The following FRMD4B variants were observed in gnomAD, a reference collection of about 807,000 sequenced individuals.
The protein encoded by FRMD4B is FERM domain containing 4B.
In FRMD4B, 74 loss-of-function variants were observed where a neutral mutation model predicts 141.5. That is an observed-to-expected ratio of 0.52 (90% CI 0.43 to 0.63). The LOEUF (loss-of-function observed/expected upper bound fraction) is 0.63, where lower values mean the gene tolerates loss of function less well. Ranked by LOEUF, FRMD4B falls within the 30% of genes least tolerant of loss-of-function variation. FRMD4B has a pLI of 0.00. For missense variants in FRMD4B, 1,366 were observed against 1,253.4 expected (o/e 1.09, Z -1.36); for synonymous variants, 506 against 467.9 (o/e 1.08, Z -1.05).
intron 1 of FRMD4B, among the ~76,000 whole-genome samples, chr3:69,539,653 C>T (rs1701136034): frequency 6.6e-6 from 1 of 152,108 alleles, no homozygotes; most frequent in Non-Finnish European, 1.5e-5. Flanking sequence ...GTTCCAGCAC[C>T]ATATTGTTTA....
In FRMD4B at chr3:69,223,423, G is replaced by A. The variant is rs796103843; in HGVS notation, c.665+1184C>T. 6.6e-5 allele frequency among the ~76,000 whole-genome samples: 10 copies of A among 152,242 alleles called. 1 individual carries two copies. Among genetic ancestry groups the A allele is most frequent in the African/African-American group, 2.4e-4 (10 of 41,540 alleles). Reference sequence around the variant, plus strand: ...CCAGCTATTTGGGATACTGAAGCAGGAGAATTGCTTGAACCTAGGAAGCAG... The same window carrying A: ...CCAGCTATTTGGGATACTGAAGCAGAAGAATTGCTTGAACCTAGGAAGCAG... On this transcript the variant is annotated intron_variant, in intron 8 of 22. Coordinates refer to ENST00000398540, the MANE Select transcript of FRMD4B (RefSeq NM_015123.3).
intron 5 of FRMD4B, among the ~76,000 whole-genome samples, chr3:69,283,565 G>A (rs936889830): frequency 6.6e-5 from 10 of 152,096 alleles, no homozygotes; most frequent in Non-Finnish European, 1.5e-5. Flanking sequence ...CAAGAGAAAC[G>A]TCATGAGTTG....
chr3:69,301,430 T>C (rs1217656861), intron 4 of FRMD4B, among the ~76,000 whole-genome samples: 1 of 152,186 alleles, frequency 6.6e-6, no homozygotes, highest in African/African-American at 2.4e-5. Context: ...GTTCAAGCGA[T>C]CCTTATGCCT....
intron 1 of FRMD4B, among the ~76,000 whole-genome samples, chr3:69,348,338 A>G (rs1703018684): frequency 6.6e-6 from 1 of 152,226 alleles, no homozygotes; most frequent in Non-Finnish European, 1.5e-5. Context: ...TGAGGCAATA[A>G]TTAATAGCCT....
intron 4 of FRMD4B, among the ~76,000 whole-genome samples, chr3:69,290,175 C>A (rs151197292): frequency 6.6e-6 from 1 of 152,302 alleles, no homozygotes; most frequent in East Asian, 1.9e-4. Context: ...GCCAAGATGT[C>A]AGGCGGTGAG....
At chr3:69,475,101 G>C (rs1705962105) in intron 1 of FRMD4B, among the ~76,000 whole-genome samples, 1 of 152,054 alleles carries the variant, frequency 6.6e-6, no homozygotes, top group African/African-American at 2.4e-5. Flanking sequence ...TACAAAACAG[G>C]GCCAGGTTAT....
At chr3:69,222,653 C>G (rs2093207618) in intron 8 of FRMD4B, among the ~76,000 whole-genome samples, 1 of 152,016 alleles carries the variant, frequency 6.6e-6, no homozygotes, top group African/African-American at 2.4e-5. Flanking sequence ...TGCCTGTAAT[C>G]CCAGCTACTT....
At position 69,216,326 on chromosome 3, in the gene FRMD4B, C is replaced by T; in HGVS notation, c.813G>A (p.Trp271Ter). Residue 271 changes from tryptophan to a stop codon, truncating the protein, a stop_gained, in exon 11 of 23, where the codon TGG becomes TGA. Transcript: ENST00000398540. LOFTEE classifies it high-confidence loss of function. The stretch of plus-strand genomic sequence containing the variant: ...CAATTCCCTTATAGCTTATTCCAAG[C>T]CACCAAGGAAGTCCTTGCTTATCCT... ...AVKDKQGLPW[W>*]LGISYKGIGQ... is the part of the protein sequence containing the mutation. 1 of 1,570,138 alleles carries T rather than the reference C, an allele frequency of 6.4e-7. No homozygotes were observed. The highest frequency in any genetic ancestry group is 8.7e-7 in the Non-Finnish European group (1 of 1,150,196).
intron 1 of FRMD4B, among the ~76,000 whole-genome samples, chr3:69,320,020 G>A (rs1156568453): frequency 6.6e-6 from 1 of 152,056 alleles, no homozygotes; most frequent in African/African-American, 2.4e-5. Flanking sequence ...CATCTTAGAC[G>A]GTATCTATTA....
chr3:69,358,970 C>G (rs1703398078), intron 1 of FRMD4B, among the ~76,000 whole-genome samples: 1 of 152,104 alleles, frequency 6.6e-6, no homozygotes, highest in African/African-American at 2.4e-5. Flanking sequence ...TTCCCAGCCT[C>G]CAGAACCATG....
At chr3:69,231,568 G>A (rs1011834662) in intron 7 of FRMD4B, among the ~76,000 whole-genome samples, 7 of 152,348 alleles carry the variant, frequency 4.6e-5, no homozygotes, top group South Asian at 4.1e-4. Context: ...GATTACAGGC[G>A]TAAGCCACTG....
chr3:69,488,711 G>A (rs975871981), intron 1 of FRMD4B, among the ~76,000 whole-genome samples: 1 of 151,694 alleles, frequency 6.6e-6, no homozygotes, highest in Non-Finnish European at 1.5e-5. Flanking sequence ...GACCAGCCTG[G>A]CCAAAGCAGT....
At chr3:69,421,986 T>C (rs1575796901) in intron 2 of FRMD4B, among the ~76,000 whole-genome samples, 1 of 152,266 alleles carries the variant, frequency 6.6e-6, no homozygotes, top group East Asian at 1.9e-4. Context: ...TTCCCTTCAG[T>C]TGCATTTAAA....
At position 69,464,742 on chromosome 3, in the gene FRMD4B, G is replaced by A. The variant is rs1004809109; in HGVS notation, c.-128-31981C>T. Among the ~76,000 whole-genome samples, 8 of 152,102 alleles carry A rather than the reference G, an allele frequency of 5.3e-5. No individual in the cohort carries two copies. The East Asian group carries it at 5.8e-4, about 11-fold the overall frequency. Reference sequence around the variant, plus strand: ...GGGGCTCCTAAGGGAACAACACACCGTCAATAAATTAGTCTTCAGAAAACA... The same window carrying A: ...GGGGCTCCTAAGGGAACAACACACCATCAATAAATTAGTCTTCAGAAAACA... On this transcript the variant is annotated intron_variant, in intron 1 of 5. Coordinates refer to the FRMD4B transcript ENST00000459638.
intron 17 of FRMD4B, 53 bp downstream of exon 17, chr3:69,193,595 C>CCATGAAGT: frequency 1.1e-6 from 1 of 944,864 alleles, no homozygotes; most frequent in Non-Finnish European, 1.6e-6. Flanking sequence ...ATGCTATATA[C>CCATGAAGT]CATGAAGTAC....
intron 1 of FRMD4B, among the ~76,000 whole-genome samples, chr3:69,492,014 G>T (rs1706307912): frequency 6.6e-6 from 1 of 152,192 alleles, no homozygotes; most frequent in African/African-American, 2.4e-5. Flanking sequence ...AAGACAGTCG[G>T]CCAAGAGCAA....
chr3:69,360,086 A>T (rs2007561), intron 1 of FRMD4B, among the ~76,000 whole-genome samples: 4 of 152,162 alleles, frequency 2.6e-5, no homozygotes, highest in African/African-American at 9.7e-5. Context: ...CAGAACCTGG[A>T]GTTTTGTTTT....
chr3:69,404,752 C>A (rs1226765917), intron 2 of FRMD4B, among the ~76,000 whole-genome samples: 2 of 152,026 alleles, frequency 1.3e-5, no homozygotes, highest in East Asian at 3.9e-4. Flanking sequence ...ATGAGGACAC[C>A]AATCAAGAAG....
intron 11 of FRMD4B, among the ~76,000 whole-genome samples, chr3:69,204,718 GT>G (rs2093005285): frequency 6.6e-6 from 1 of 152,198 alleles, no homozygotes; most frequent in Admixed American, 6.5e-5. Context: ...GGTACAGGCT[GT>G]CGAAGTGACA....
Sources: gnomAD v4.1 joint callset for allele counts (sites outside exome capture counted in the v4.1 genomes callset) on GRCh38, gnomAD v4.1.1 for gene constraint, MANE v1.5 for transcripts, NCBI Gene and HGNC (gene_info 2026-07-23, HGNC 2026-07-21) for gene names.